Variants in PDCL2 observed in about 807,000 individuals in gnomAD.
PDCL2 encodes the protein phosducin like 2, also known as phosducin-like protein 2.
A neutral mutation model predicts 30.3 loss-of-function variants in PDCL2; 23 were observed. The ratio of observed to expected loss-of-function variants is 0.76; its 90% confidence interval spans 0.55 to 1.08. PDCL2 has a LOEUF of 1.08. Ranked by LOEUF, PDCL2 falls within the 50% of genes least tolerant of loss-of-function variation. The pLI is 0.00. For synonymous variants in PDCL2, 68 were observed against 86.2 expected, an observed-to-expected ratio of 0.79 and a Z score of 1.17; for missense variants, 243 against 282.3, an observed-to-expected ratio of 0.86 and a Z score of 1.00.
intron 5 of PDCL2, among the ~76,000 whole-genome samples, chr4:55,561,424 G>A (rs1194582813): frequency 6.6e-6 from 1 of 152,046 alleles, no homozygotes; most frequent in Non-Finnish European, 1.5e-5. Context: ...TTAGCCAGGT[G>A]TGGTGGTGGC....
At chr4:55,579,143 G>A (rs1329520420) in intron 3 of PDCL2, among the ~76,000 whole-genome samples, 2 of 148,418 alleles carry the variant, frequency 1.3e-5, no homozygotes, top group Non-Finnish European at 3.0e-5. Context: ...TCTAACTTTG[G>A]CCCTTGGGAG....
chr4:55,591,955 A>T (rs890583233), intron 1 of PDCL2, 149 bp downstream of exon 1: 2 of 1,079,800 alleles, frequency 1.9e-6, no homozygotes, highest in Admixed American at 5.3e-5. Flanking sequence ...AAAACTAGAC[A>T]GAGAAGCACG....
chr4:55,576,106 C>G (rs1463599684), intron 3 of PDCL2, among the ~76,000 whole-genome samples: 8 of 149,250 alleles, frequency 5.4e-5, no homozygotes, highest in Non-Finnish European at 1.0e-4. Context: ...TTTTTTTTTT[C>G]TTTTTGAGAC....
chr4:55,582,105 C>G lies in PDCL2; in HGVS notation c.127+12G>C. 6.2e-7 allele frequency: 1 copy of G among 1,612,160 alleles called. No individual in the cohort carries two copies. The highest frequency in any genetic ancestry group is 1.3e-5 in the African/African-American group (1 of 74,998). ...ATTCCCATCATCCAGCCCACCAAATCTACGACCATACCCATTGCTTCTTTC... is the reference window on the plus strand; with the variant it reads ...ATTCCCATCATCCAGCCCACCAAATGTACGACCATACCCATTGCTTCTTTC... On this transcript the variant is annotated intron_variant, in intron 2 of 5. Transcript: ENST00000295645.
At chr4:55,588,688 T>G (rs1347749532) in intron 1 of PDCL2, among the ~76,000 whole-genome samples, 1 of 152,178 alleles carries the variant, frequency 6.6e-6, no homozygotes, top group Non-Finnish European at 1.5e-5. Flanking sequence ...AACTTCATTC[T>G]TTTGCATGTG....
intron 3 of PDCL2, among the ~76,000 whole-genome samples, chr4:55,576,732 CAAAAATTATGTAAG>C (rs1412445128): frequency 1.3e-5 from 2 of 152,142 alleles, no homozygotes; most frequent in Admixed American, 6.5e-5. Context: ...ACTTAAAAAA[CAAAAATTATGTAAG>C]AAATACAGAA....
chr4:55,590,195 T>TTA (rs1560506869), intron 1 of PDCL2, among the ~76,000 whole-genome samples: 59 of 2,988 alleles, frequency 0.02, 1 homozygote, highest in African/African-American at 0.038. Flanking sequence ...AGGCTCTGTC[T>TTA]CAAAAAAAAA....
rs1316365866 is a variant in PDCL2 at position 55,591,543 on chromosome 4, C to T, written c.6+561G>A. On this transcript the variant is annotated intron_variant, in intron 1 of 5. Coordinates refer to ENST00000295645, the MANE Select transcript of PDCL2 (RefSeq NM_152401.3). Reference sequence around the variant, plus strand: ...CTGGGGCTACAGGCGCACGCCACCACGCCCAGGTAATTTTTGTATTTTTAG... The same window carrying T: ...CTGGGGCTACAGGCGCACGCCACCATGCCCAGGTAATTTTTGTATTTTTAG... 4.6e-5 allele frequency among the ~76,000 whole-genome samples: 7 copies of T among 152,294 alleles called. No individual in the cohort carries two copies. The South Asian group carries it at 1.2e-3, about 27-fold the overall frequency.
At chr4:55,564,329 G>A (rs968610130) in intron 4 of PDCL2, among the ~76,000 whole-genome samples, 4 of 152,158 alleles carry the variant, frequency 2.6e-5, no homozygotes, top group Non-Finnish European at 5.9e-5. Flanking sequence ...AGATTGTGAT[G>A]CAGGGAGAAA....
chr4:55,585,035 T>A (rs532033839), intron 1 of PDCL2, among the ~76,000 whole-genome samples: 2 of 152,220 alleles, frequency 1.3e-5, no homozygotes, highest in African/African-American at 4.8e-5. Context: ...GATTTGCGTA[T>A]GCTGAAACAT....
At position 55,569,782 on chromosome 4, in the gene PDCL2, A is replaced by G; in HGVS notation, c.298T>C (p.Tyr100His). Residue 100 changes from tyrosine to histidine, a missense_variant, in exon 4 of 6, where the codon TAT becomes CAT. Tyr to His is a moderately conservative substitution (Grantham distance 83). Transcript: ENST00000295645. ...GELREISGNQYVNEVTNAEED... is the reference protein window; with the variant it reads ...GELREISGNQHVNEVTNAEED... ...TCTGCATTTGTGACTTCATTCACAT[A>G]CTGATTTCCAGAAATTTCTCTTAAT... The G allele has an allele frequency of 1.9e-6, 3 of 1,565,458 alleles. No homozygotes were observed. The highest frequency in any genetic ancestry group is 2.4e-5 in the South Asian group (2 of 84,982).
At chr4:55,587,419 A>G (rs1732892094) in intron 1 of PDCL2, among the ~76,000 whole-genome samples, 1 of 151,870 alleles carries the variant, frequency 6.6e-6, no homozygotes, top group Non-Finnish European at 1.5e-5. Context: ...TCTTTTGCCC[A>G]TTTTTATATT....
chr4:55,589,021 C>A (rs1398913172), intron 1 of PDCL2, among the ~76,000 whole-genome samples: 1 of 152,052 alleles, frequency 6.6e-6, no homozygotes, highest in African/African-American at 2.4e-5. Flanking sequence ...CCAAACCTGG[C>A]TAATTTTTTG....
intron 5 of PDCL2, among the ~76,000 whole-genome samples, chr4:55,561,897 A>G (rs6851971): frequency 0.75 from 114,567 of 152,082 alleles, 43,490 homozygotes; most frequent in East Asian, 0.9. Context: ...GAGAATATAC[A>G]CTACAGAAAT....
intron 3 of PDCL2, among the ~76,000 whole-genome samples, chr4:55,573,701 A>G (rs948472250): frequency 1.3e-5 from 2 of 151,982 alleles, no homozygotes; most frequent in African/African-American, 4.8e-5. Flanking sequence ...CAGTGACCTG[A>G]GACTGGGCCA....
chr4:55,588,159 A>T (rs993000594), intron 1 of PDCL2, among the ~76,000 whole-genome samples: 5 of 152,184 alleles, frequency 3.3e-5, no homozygotes, highest in Admixed American at 6.5e-5. Flanking sequence ...TGTCAGGCAA[A>T]CCTGCCTCCC....
intron 1 of PDCL2, among the ~76,000 whole-genome samples, chr4:55,589,200 C>G (rs1466675690): frequency 6.6e-6 from 1 of 152,132 alleles, no homozygotes; most frequent in Admixed American, 6.5e-5. Context: ...ATTCTGTTAT[C>G]TAAAAATCTC....
chr4:55,582,283 T>C (rs750900621), intron 1 of PDCL2, 46 bp from the exon 2 acceptor site: 55 of 1,520,308 alleles, frequency 3.6e-5, no homozygotes, highest in Non-Finnish European at 4.5e-5. Context: ...TTGTACACTT[T>C]AATATGTATT....
chr4:55,564,527 TA>T (rs1732212639), intron 4 of PDCL2, among the ~76,000 whole-genome samples: 2 of 152,226 alleles, frequency 1.3e-5, no homozygotes, highest in South Asian at 4.1e-4. Flanking sequence ...AAGAATAATA[TA>T]AAAGCCCCAA....
Sources: gnomAD v4.1 joint callset for allele counts (sites outside exome capture counted in the v4.1 genomes callset) on GRCh38, gnomAD v4.1.1 for gene constraint, MANE v1.5 for transcripts, NCBI Gene and HGNC (gene_info 2026-07-23, HGNC 2026-07-21) for gene names.